CCDC171: variants seen among roughly 807,000 people sequenced by gnomAD.
CCDC171 encodes coiled-coil domain containing 171, also known as coiled-coil domain-containing protein 171.
CCDC171 carries 177 observed loss-of-function variants against 168.2 expected under a neutral mutation model. The observed-to-expected ratio is 1.05, with a 90% CI of 0.93 to 1.19. CCDC171 has a LOEUF of 1.19. CCDC171 is among the 50% of genes most tolerant of loss of function. The probability of loss-of-function intolerance (pLI) is 0.00; values close to 1 mark genes in which losing one functional copy is unlikely to be tolerated. For missense variants in CCDC171, 1,991 were observed against 1,539.0 expected, an observed-to-expected ratio of 1.29 and a Z score of -4.91; for synonymous variants, 687 against 540.8, an observed-to-expected ratio of 1.27 and a Z score of -3.75.
chr9:15,860,148 T>C (rs1297903473), intron 23 of CCDC171, among the ~76,000 whole-genome samples: 1 of 151,842 alleles, frequency 6.6e-6, no homozygotes, highest in Non-Finnish European at 1.5e-5. Flanking sequence ...TTGTGTTTTT[T>C]TTTTAGTTTT....
At chr9:15,717,771 T>A (rs2053185998) in intron 11 of CCDC171, among the ~76,000 whole-genome samples, 1 of 151,712 alleles carries the variant, frequency 6.6e-6, no homozygotes, top group Non-Finnish European at 1.5e-5. Context: ...AAGGACCCAA[T>A]CCTGGCAGGA....
At chr9:15,912,100 C>G (rs1257639781) in intron 24 of CCDC171, among the ~76,000 whole-genome samples, 1 of 152,136 alleles carries the variant, frequency 6.6e-6, no homozygotes, top group African/African-American at 2.4e-5. Flanking sequence ...CCAATGGTGG[C>G]TTGATGGCAA....
Position 15,821,116 on chromosome 9 carries a change from G to A in CCDC171, c.3268-25586G>A, listed in dbSNP as rs1182381981. Among the ~76,000 whole-genome samples the A allele has an allele frequency of 9.4e-5, 11 of 116,986 alleles. 5 individuals are homozygous for A. Among genetic ancestry groups the A allele is most frequent in the Non-Finnish European group, 1.7e-4 (9 of 52,152 alleles). 76.7% of individuals were successfully genotyped at this position (116,986 alleles called of 152,430 possible). ...GATTATCTCAATAGATGCAGAAAAG[G>A]CCTTTGACAAAATTCAACAACGCTT... On this transcript the variant is annotated intron_variant, in intron 21 of 25. Coordinates refer to ENST00000380701, the MANE Select transcript of CCDC171 (RefSeq NM_173550.4).
Position 16,018,531 on chromosome 9 carries a change from GT to G in CCDC171, n.369-2055del, listed in dbSNP as rs528777280. ...CATTTATTAACTTCTTAAATAACTC[GT>G]TTCTTCATTGAATGAATTATGATCA... On this transcript the variant is annotated intron_variant and non_coding_transcript_variant, in intron 3 of 9. Transcript: ENST00000486641. Among the ~76,000 whole-genome samples the G allele has an allele frequency of 7.2e-3, 1,091 of 151,990 alleles. 9 individuals carry two copies. The highest frequency in any genetic ancestry group is 0.01 in the Non-Finnish European group (689 of 67,990).
At chr9:15,840,240 T>G (rs1356385735) in intron 21 of CCDC171, among the ~76,000 whole-genome samples, 1 of 152,156 alleles carries the variant, frequency 6.6e-6, no homozygotes, top group Non-Finnish European at 1.5e-5. Context: ...ATGAAGCCCT[T>G]TATAAATTAT....
At chr9:15,554,655 G>T (rs1025037854) in intron 1 of CCDC171, among the ~76,000 whole-genome samples, 4 of 152,140 alleles carry the variant, frequency 2.6e-5, no homozygotes, top group African/African-American at 9.7e-5. Flanking sequence ...TTGTTTTGAT[G>T]TAAGAACCAA....
rs191740387 is a variant in CCDC171, at chr9:15,602,711, A to T, written c.675+8539A>T. Among the ~76,000 whole-genome samples the T allele has an allele frequency of 2.2e-3, 306 of 139,750 alleles. 1 individual carries two copies. The highest frequency in any genetic ancestry group is 8.1e-3 in the African/African-American group (295 of 36,642). 91.7% of individuals were successfully genotyped at this position (139,750 alleles called of 152,430 possible). ...CTCTGTGTTGTCCAGGCTGGAGTGC[A>T]GTGATGTGATCTCGGCTCACTGCAA... On this transcript the variant is annotated intron_variant, in intron 6 of 25. Coordinates refer to ENST00000380701, the MANE Select transcript of CCDC171 (RefSeq NM_173550.4).
At chr9:15,869,316 C>A (rs575208957) in intron 23 of CCDC171, among the ~76,000 whole-genome samples, 6 of 152,056 alleles carry the variant, frequency 3.9e-5, no homozygotes, top group African/African-American at 1.4e-4. Context: ...TTAGATGTAA[C>A]CATCCTATCC....
intron 18 of CCDC171, among the ~76,000 whole-genome samples, chr9:15,761,277 C>T (rs1008079574): frequency 2.0e-5 from 3 of 152,018 alleles, no homozygotes; most frequent in African/African-American, 7.3e-5. Flanking sequence ...GAGGTCATAG[C>T]GACCCTTTCA....
rs1305848631 is a variant in CCDC171 at position 15,919,738 on chromosome 9, C to G, written c.3601-532C>G. On this transcript the variant is annotated intron_variant, in intron 24 of 25. Coordinates refer to ENST00000380701, the MANE Select transcript of CCDC171 (RefSeq NM_173550.4). ...TGTATAGTCCAATGTAAGGGCATTTCTGTGTTACATGAATCAACATAATTA... is the reference window on the plus strand; with the variant it reads ...TGTATAGTCCAATGTAAGGGCATTTGTGTGTTACATGAATCAACATAATTA... Among the ~76,000 whole-genome samples, 3 of 151,674 alleles carry G rather than the reference C, an allele frequency of 2.0e-5. No individual in the cohort carries two copies. In the South Asian group the frequency reaches 6.2e-4, roughly 31 times the overall value.
chr9:15,560,780 G>A (rs1158239352), intron 1 of CCDC171, among the ~76,000 whole-genome samples: 1 of 152,122 alleles, frequency 6.6e-6, no homozygotes, highest in Non-Finnish European at 1.5e-5. Context: ...TGCTGGTGAG[G>A]AGCTGCGTTC....
the CCDC171 span, among the ~76,000 whole-genome samples, chr9:16,088,003 C>A: frequency 0.47 from 70,995 of 151,560 alleles, 18,668 homozygotes; most frequent in African/African-American, 0.73. Flanking sequence ...ATCCAGCAGC[C>A]CGTTAAAAAG....
At chr9:15,980,238 A>G (rs1304141738) in intron 3 of CCDC171, among the ~76,000 whole-genome samples, 2 of 152,198 alleles carry the variant, frequency 1.3e-5, no homozygotes, top group South Asian at 4.1e-4. Context: ...GTGGTTTACT[A>G]AAGTGGTTTT....
At chr9:15,700,883 C>T (rs1009803565) in intron 11 of CCDC171, among the ~76,000 whole-genome samples, 1 of 151,956 alleles carries the variant, frequency 6.6e-6, no homozygotes, top group Non-Finnish European at 1.5e-5. Context: ...CTTTTATCCA[C>T]ATCTTCCCCA....
chr9:15,663,586 A>G (rs1031872837), intron 8 of CCDC171, among the ~76,000 whole-genome samples: 6 of 148,798 alleles, frequency 4.0e-5, no homozygotes, highest in South Asian at 4.2e-4. Flanking sequence ...GGAGAACTAC[A>G]TAGAGAATTT....
rs115964213 is a variant in CCDC171 at position 15,575,511 on chromosome 9, A to G, written c.178-3338A>G. ...TTTAGCCAAAAAATACTGGAAACTT[A>G]GGACTAATCAGTAGGCTTTATGGCT... On this transcript the variant is annotated intron_variant, in intron 3 of 25. Coordinates refer to ENST00000380701, the MANE Select transcript of CCDC171 (RefSeq NM_173550.4). 1.3e-3 allele frequency among the ~76,000 whole-genome samples: 203 copies of G among 152,316 alleles called. 1 individual carries two copies. The highest frequency in any genetic ancestry group is 4.8e-3 in the African/African-American group (198 of 41,570).
In CCDC171 at chr9:15,788,230, G is replaced by A. The variant is rs1022780195; in HGVS notation, c.3267+3536G>A. Among the ~76,000 whole-genome samples, 3 of 152,054 alleles carry A rather than the reference G, an allele frequency of 2.0e-5. No individual in the cohort carries two copies. The East Asian group carries it at 5.8e-4, about 29-fold the overall frequency. ...ATTCAAATCCCAGCTCTGTTGCTTG[G>A]GCAAATTACTTAACCTTCTGAGCCT... On this transcript the variant is annotated intron_variant, in intron 21 of 25. Coordinates refer to ENST00000380701, the MANE Select transcript of CCDC171 (RefSeq NM_173550.4).
intron 3 of CCDC171, among the ~76,000 whole-genome samples, chr9:16,013,570 A>G (rs545660878): frequency 1.3e-5 from 2 of 152,350 alleles, no homozygotes; most frequent in African/African-American, 4.8e-5. Context: ...TCCAATGCCT[A>G]CGGGGCAAAT....
chr9:15,570,251 G>A (rs931355307), intron 2 of CCDC171, among the ~76,000 whole-genome samples: 5 of 151,722 alleles, frequency 3.3e-5, no homozygotes, highest in Non-Finnish European at 7.4e-5. Flanking sequence ...GAGGCCAGGC[G>A]TGAGCCACTG....
Sources: allele counts gnomAD v4.1 joint callset (sites outside exome capture counted in the v4.1 genomes callset), GRCh38; gene constraint gnomAD v4.1.1; transcripts MANE v1.5; gene names NCBI Gene and HGNC (gene_info 2026-07-23, HGNC 2026-07-21).